Variants in ARNT observed in about 807,000 individuals in gnomAD.
ARNT encodes the protein class E basic helix-loop-helix protein 2.
In ARNT, 30 loss-of-function variants were observed where a neutral mutation model predicts 105.0. The ratio of observed to expected loss-of-function variants is 0.29; its 90% CI spans 0.21 to 0.39. The LOEUF is 0.39. ARNT is among the 10% of genes least tolerant of loss of function. ARNT has a pLI of 1.00. For missense variants in ARNT, 748 were observed against 978.7 expected, an observed-to-expected ratio of 0.76 and a Z score of 3.15; for synonymous variants, 304 against 344.0, an observed-to-expected ratio of 0.88 and a Z score of 1.29.
intron 8 of ARNT, among the ~76,000 whole-genome samples, chr1:150,832,748 T>C (rs1367720621): frequency 3.3e-5 from 5 of 152,192 alleles, no homozygotes; most frequent in Non-Finnish European, 2.9e-5. Flanking sequence ...AGATAATATG[T>C]AAAAATATGG....
At chr1:150,840,606 C>T (rs1234750289) in intron 5 of ARNT, among the ~76,000 whole-genome samples, 2 of 152,196 alleles carry the variant, frequency 1.3e-5, no homozygotes, top group Admixed American at 1.3e-4. Flanking sequence ...AAACTTCTTA[C>T]AAGACTTAAG....
At chr1:150,861,238 G>A (rs1481439481) in intron 1 of ARNT, 1 of 383,426 alleles carries the variant, frequency 2.6e-6, no homozygotes, top group Admixed American at 3.8e-5. Flanking sequence ...TGGGTGCAGT[G>A]GTGCGCACCT....
chr1:150,840,976 T>A (rs1661187812), intron 5 of ARNT, among the ~76,000 whole-genome samples: 1 of 131,550 alleles, frequency 7.6e-6, no homozygotes, highest in Non-Finnish European at 1.6e-5. Flanking sequence ...TGAGATGGAG[T>A]CTTGCTCTGT....
At position 150,813,163 on chromosome 1, in the gene ARNT, C is replaced by G. The variant is rs1655084490; in HGVS notation, c.2280+9G>C. The G allele has an allele frequency of 6.2e-7, 1 of 1,609,480 alleles. No individual in the cohort carries two copies. Among genetic ancestry groups the G allele is most frequent in the South Asian group, 1.1e-5 (1 of 90,040 alleles). ...CTTCTAATTTTTGAAAGTCTTTTCA[C>G]TCTCTTACCTGGAAGACCTCAGGCT... On this transcript the variant is annotated intron_variant, in intron 21 of 21. Coordinates refer to ENST00000358595, the MANE Select transcript of ARNT (RefSeq NM_001668.4).
intron 2 of ARNT, 57 bp from the exon 3 acceptor site, chr1:150,852,863 A>G: frequency 4.4e-6 from 7 of 1,601,118 alleles, no homozygotes; most frequent in Non-Finnish European, 6.0e-6. Flanking sequence ...AACATTAAGA[A>G]GTTAAAATTT....
At chr1:150,863,341 A>C (rs1205496533) in intron 1 of ARNT, among the ~76,000 whole-genome samples, 3 of 151,362 alleles carry the variant, frequency 2.0e-5, no homozygotes, top group Non-Finnish European at 4.4e-5. Flanking sequence ...GGGCAACAGA[A>C]TGAGACTCTG....
intron 14 of ARNT, among the ~76,000 whole-genome samples, chr1:150,818,627 T>C (rs1656429151): frequency 6.6e-6 from 1 of 152,022 alleles, no homozygotes; most frequent in Admixed American, 6.6e-5. Flanking sequence ...GGCGGGCTCC[T>C]GTAGTCCCAG....
chr1:150,827,946 T>C (rs1180205990), intron 12 of ARNT, among the ~76,000 whole-genome samples: 1 of 152,218 alleles, frequency 6.6e-6, no homozygotes, highest in Non-Finnish European at 1.5e-5. Context: ...TTCATGTGCA[T>C]AAATGCATAT....
chr1:150,852,222 A>G (rs1663759467), intron 3 of ARNT, among the ~76,000 whole-genome samples: 1 of 152,196 alleles, frequency 6.6e-6, no homozygotes, highest in South Asian at 2.1e-4. Flanking sequence ...CCTGGAACAT[A>G]TGACTTGCTT....
chr1:150,862,868 T>A (rs935925607), intron 1 of ARNT, among the ~76,000 whole-genome samples: 1 of 151,438 alleles, frequency 6.6e-6, no homozygotes, highest in Non-Finnish European at 1.5e-5. Context: ...CTGGCCAATA[T>A]GGTGAAACTC....
intron 2 of ARNT, among the ~76,000 whole-genome samples, chr1:150,857,821 T>C (rs1664903289): frequency 1.3e-5 from 2 of 152,168 alleles, no homozygotes; most frequent in African/African-American, 4.8e-5. Flanking sequence ...ACAACCAACT[T>C]AGAAACAAGG....
intron 1 of ARNT, among the ~76,000 whole-genome samples, chr1:150,858,700 C>T (rs866051249): frequency 6.7e-6 from 1 of 150,250 alleles, no homozygotes; most frequent in African/African-American, 2.4e-5. Context: ...TAGGTCACTA[C>T]AGCCTCAAAC....
chr1:150,815,586 G>A (rs587708994), intron 19 of ARNT, among the ~76,000 whole-genome samples: 4 of 150,060 alleles, frequency 2.7e-5, no homozygotes, highest in African/African-American at 4.9e-5. Context: ...TCAGCCAGGC[G>A]CGGTGGCTCA....
chr1:150,831,433 T>C (rs370147011), intron 10 of ARNT: 3 of 172,788 alleles, frequency 1.7e-5, no homozygotes, highest in African/African-American at 7.2e-5. Flanking sequence ...TGATAAGTTA[T>C]TACAATAAAG....
intron 1 of ARNT, among the ~76,000 whole-genome samples, chr1:150,859,007 C>T (rs1044789360): frequency 6.6e-6 from 1 of 151,870 alleles, no homozygotes; most frequent in African/African-American, 2.4e-5. Context: ...GTACTATATT[C>T]TGCAAACTTC....
intron 2 of ARNT, among the ~76,000 whole-genome samples, chr1:150,857,335 T>C (rs1242583726): frequency 1.3e-5 from 2 of 152,206 alleles, no homozygotes; most frequent in Non-Finnish European, 2.9e-5. Flanking sequence ...AACACAGTGT[T>C]TAAAGAGTAA....
chr1:150,846,949 T>A (rs1662328428), intron 3 of ARNT, among the ~76,000 whole-genome samples: 1 of 152,208 alleles, frequency 6.6e-6, no homozygotes, highest in Admixed American at 6.5e-5. Flanking sequence ...TGACAGGTTC[T>A]TTCTTTTTAA....
chr1:150,835,182 A>G (rs779849599), intron 7 of ARNT, among the ~76,000 whole-genome samples: 1 of 151,976 alleles, frequency 6.6e-6, no homozygotes, highest in Non-Finnish European at 1.5e-5. Flanking sequence ...TAAAAAGAAA[A>G]AAACCAAGTA....
intron 12 of ARNT, among the ~76,000 whole-genome samples, chr1:150,827,295 C>A (rs1658485910): frequency 6.6e-6 from 1 of 152,200 alleles, no homozygotes; most frequent in Non-Finnish European, 1.5e-5. Flanking sequence ...ACATTCACTG[C>A]CCCAAGATGT....
Sources: gnomAD v4.1 joint callset for allele counts (sites outside exome capture counted in the v4.1 genomes callset) on GRCh38, gnomAD v4.1.1 for gene constraint, MANE v1.5 for transcripts, NCBI Gene and HGNC (gene_info 2026-07-23, HGNC 2026-07-21) for gene names.